DIAPH2: variants seen among roughly 807,000 people sequenced by gnomAD.
DIAPH2 encodes diaphanous related formin 2.
Under a neutral mutation model 92.7 loss-of-function variants are expected in DIAPH2, and 35 were observed. The observed-to-expected ratio is 0.38, with a 90% CI of 0.29 to 0.50. DIAPH2 has a LOEUF of 0.50. Ranked by LOEUF, DIAPH2 falls within the 20% of genes least tolerant of loss-of-function variation. The pLI is 0.94. For missense variants in DIAPH2, 701 were observed against 819.5 expected, an observed-to-expected ratio of 0.86 and a Z score of 1.77; for synonymous variants, 301 against 280.4, an observed-to-expected ratio of 1.07 and a Z score of -0.73.
intron 20 of DIAPH2, among the ~76,000 whole-genome samples, chrX:97,110,721 T>C (rs1408443070): frequency 8.9e-6 from 1 of 111,824 alleles, no homozygotes; most frequent in Admixed American, 9.5e-5. Context: ...CAGTGGCTCA[T>C]GCCTGTAATC....
intron 3 of DIAPH2, among the ~76,000 whole-genome samples, chrX:96,751,647 G>GTTTTTTTTTTTT (rs1332024432): frequency 8.2e-5 from 7 of 85,014 alleles, no homozygotes; most frequent in African/African-American, 1.3e-4. Flanking sequence ...AGACTTCAGT[G>GTTTTTTTTTTTT]TTTTGTTTTT....
chrX:96,999,158 A>G (rs1331188111), intron 17 of DIAPH2, among the ~76,000 whole-genome samples: 1 of 111,214 alleles, frequency 9.0e-6, no homozygotes, highest in Non-Finnish European at 1.9e-5. Flanking sequence ...CTTATTTGGT[A>G]GATGAGGAAA....
At chrX:97,330,105 G>GTGTA (rs1405448465) in intron 23 of DIAPH2, among the ~76,000 whole-genome samples, 1 of 107,481 alleles carries the variant, frequency 9.3e-6, no homozygotes, top group Non-Finnish European at 1.9e-5. Flanking sequence ...GTGTGTGTGT[G>GTGTA]TGTGTGTATG....
intron 23 of DIAPH2, among the ~76,000 whole-genome samples, chrX:97,291,050 C>G (rs987364496): frequency 9.1e-6 from 1 of 109,368 alleles, no homozygotes; most frequent in Non-Finnish European, 1.9e-5. Flanking sequence ...CAAGACCATG[C>G]CACTGACTCC....
intron 25 of DIAPH2, among the ~76,000 whole-genome samples, chrX:97,424,412 C>T (rs770714682): frequency 2.6e-4 from 29 of 110,702 alleles, no homozygotes; most frequent in Admixed American, 4.8e-4. Flanking sequence ...CAAAGGACCG[C>T]GGTACATAAA....
At chrX:96,708,816 C>G (rs2063901729) in intron 1 of DIAPH2, among the ~76,000 whole-genome samples, 1 of 111,889 alleles carries the variant, frequency 8.9e-6, no homozygotes, top group Non-Finnish European at 1.9e-5. Flanking sequence ...AGGTTCTCCC[C>G]TAGGGATAAT....
In DIAPH2 at chrX:96,744,759, T is replaced by C. The variant is rs2064139410; in HGVS notation, c.342+5997T>C. On this transcript the variant is annotated intron_variant, in intron 3 of 26. Coordinates refer to ENST00000324765, the MANE Select transcript of DIAPH2 (RefSeq NM_006729.5). ...TAAAACACGGAAGTAGACTTCCAGA[T>C]ATGAAATTTATCTTTTTTTATTTCA... 2.7e-5 allele frequency among the ~76,000 whole-genome samples: 3 copies of C among 112,148 alleles called. No individual in the cohort carries two copies. In the South Asian group the frequency reaches 1.1e-3, roughly 41 times the overall value.
chrX:97,082,765 T>C (rs1027344279), intron 19 of DIAPH2, among the ~76,000 whole-genome samples: 2 of 111,974 alleles, frequency 1.8e-5, no homozygotes, highest in African/African-American at 6.5e-5. Context: ...CTCCTCTAAG[T>C]ACTAGCTGTG....
chrX:97,254,916 G>C lies in DIAPH2; in HGVS notation c.2844+7077G>C, dbSNP rs1361439645. Among the ~76,000 whole-genome samples, 3 of 109,874 alleles carry C rather than the reference G, an allele frequency of 2.7e-5. No individual in the cohort carries two copies. The Admixed American group carries it at 3.0e-4, about 11-fold the overall frequency. On this transcript the variant is annotated intron_variant, in intron 23 of 26. Coordinates refer to ENST00000324765, the MANE Select transcript of DIAPH2 (RefSeq NM_006729.5). ...AGACGGGGTTTCACCATATTGGCCA[G>C]GCTGGTCTCGAACTCCTGACCTTGT...
intron 26 of DIAPH2, among the ~76,000 whole-genome samples, chrX:97,470,726 G>A (rs1454357277): frequency 9.2e-6 from 1 of 108,822 alleles, no homozygotes; most frequent in Admixed American, 9.9e-5. Context: ...CAAGAGACTC[G>A]GCTCTTGGCT....
intron 22 of DIAPH2, among the ~76,000 whole-genome samples, chrX:97,206,054 A>G (rs981810698): frequency 5.4e-5 from 6 of 111,561 alleles, no homozygotes. Context: ...TAACACAGGA[A>G]CAGAAAACCA....
chrX:97,369,010 C>T (rs895963347), intron 24 of DIAPH2, among the ~76,000 whole-genome samples: 11 of 101,723 alleles, frequency 1.1e-4, no homozygotes, highest in African/African-American at 2.9e-4. Context: ...CAGGTTCAAG[C>T]GATACTCCTG....
chrX:96,815,498 C>G (rs921658699), intron 4 of DIAPH2, among the ~76,000 whole-genome samples: 1 of 112,045 alleles, frequency 8.9e-6, no homozygotes, highest in African/African-American at 3.2e-5. Context: ...GAGGCGATGT[C>G]CCGCCCTGCT....
At chrX:96,971,573 C>T (rs2147831794) in intron 17 of DIAPH2, among the ~76,000 whole-genome samples, 1 of 111,525 alleles carries the variant, frequency 9.0e-6, no homozygotes, top group South Asian at 3.8e-4. Context: ...GCAATTCTTA[C>T]TGCAGCTGCC....
chrX:97,122,728 C>A (rs1284498570), intron 21 of DIAPH2, among the ~76,000 whole-genome samples: 1 of 111,610 alleles, frequency 9.0e-6, no homozygotes, highest in African/African-American at 3.3e-5. Flanking sequence ...GAAGATTAGA[C>A]TCTCGATCAT....
intron 26 of DIAPH2, among the ~76,000 whole-genome samples, chrX:97,562,587 C>T (rs2071302054): frequency 9.0e-6 from 1 of 111,158 alleles, no homozygotes; most frequent in Non-Finnish European, 1.9e-5. Context: ...TCCTGGCTTG[C>T]ATGAGGCTGA....
At chrX:96,806,858 G>A (rs2064631556) in intron 4 of DIAPH2, among the ~76,000 whole-genome samples, 1 of 105,532 alleles carries the variant, frequency 9.5e-6, no homozygotes, top group South Asian at 4.4e-4. Flanking sequence ...CTCCTGCCTC[G>A]GCCTCCCGAG....
At chrX:96,831,413 C>G (rs1185815485) in intron 4 of DIAPH2, among the ~76,000 whole-genome samples, 1 of 112,106 alleles carries the variant, frequency 8.9e-6, no homozygotes, top group Non-Finnish European at 1.9e-5. Context: ...TAGCTGGGTT[C>G]AAATTTTGGC....
intron 9 of DIAPH2, among the ~76,000 whole-genome samples, chrX:96,928,108 T>G (rs933146438): frequency 6.3e-5 from 7 of 111,016 alleles, no homozygotes; most frequent in African/African-American, 2.3e-4. Flanking sequence ...GGAAATTATA[T>G]TTGTAGTAAA....
Sources: gnomAD v4.1 joint callset for allele counts (sites outside exome capture counted in the v4.1 genomes callset) on GRCh38, gnomAD v4.1.1 for gene constraint, MANE v1.5 for transcripts, NCBI Gene and HGNC (gene_info 2026-07-23, HGNC 2026-07-21) for gene names.